Variants in FRMPD4 observed in about 807,000 individuals in gnomAD.
FRMPD4 encodes the protein FERM and PDZ domain containing 4.
In FRMPD4, 22 loss-of-function variants were observed where a neutral mutation model predicts 94.1. The observed-to-expected ratio is 0.23, with a 90% confidence interval of 0.17 to 0.33. The LOEUF (loss-of-function observed/expected upper bound fraction) is 0.33. Among genes scored for constraint, FRMPD4 ranks in the 10% least tolerant of loss-of-function variants. The pLI, the probability that FRMPD4 is intolerant of heterozygous loss-of-function variation, is 1.00. For missense variants in FRMPD4, 1,111 were observed against 1,339.9 expected, an observed-to-expected ratio of 0.83 and a Z score of 2.67; for synonymous variants, 631 against 548.6, an observed-to-expected ratio of 1.15 and a Z score of -2.10.
chrX:12,165,077 G>T (rs751138654), intron 1 of FRMPD4, among the ~76,000 whole-genome samples: 49 of 105,217 alleles, frequency 4.7e-4, no homozygotes, highest in African/African-American at 1.2e-3. Flanking sequence ...GTCAATTTTG[G>T]CTTTTGTTGC....
chrX:12,001,896 C>T (rs2054526763), intron 3 of FRMPD4, among the ~76,000 whole-genome samples: 1 of 111,859 alleles, frequency 8.9e-6, no homozygotes, highest in Non-Finnish European at 1.9e-5. Context: ...CAGGCTGGAA[C>T]CAGTGGGCTT....
chrX:12,070,359 T>A (rs1371755157), intron 3 of FRMPD4, among the ~76,000 whole-genome samples: 3 of 111,779 alleles, frequency 2.7e-5, no homozygotes, highest in African/African-American at 9.8e-5. Flanking sequence ...TCCAAAAATT[T>A]AAAAAAATAG....
At chrX:12,106,543 C>T (rs1033996951) in intron 3 of FRMPD4, among the ~76,000 whole-genome samples, 148 of 111,153 alleles carry the variant, frequency 1.3e-3, no homozygotes, top group African/African-American at 4.4e-3. Context: ...TGGGGCTTGT[C>T]GGACAGTAGG....
chrX:12,572,909 T>C (rs746431752), intron 2 of FRMPD4, among the ~76,000 whole-genome samples: 1 of 111,713 alleles, frequency 9.0e-6, no homozygotes, highest in East Asian at 2.8e-4. Flanking sequence ...GAATGAAGCT[T>C]GTCTTGCTGT....
At chrX:12,065,216 A>AAACAGAATACC (rs1364124948) in intron 3 of FRMPD4, among the ~76,000 whole-genome samples, 3 of 112,126 alleles carry the variant, frequency 2.7e-5, no homozygotes, top group African/African-American at 9.7e-5. Context: ...AGATTTCTGT[A>AAACAGAATACC]TGAGCTCCAG....
At chrX:12,505,735 A>AC (rs1304365104) in intron 2 of FRMPD4, among the ~76,000 whole-genome samples, 3 of 104,262 alleles carry the variant, frequency 2.9e-5, no homozygotes, top group Admixed American at 1.0e-4. Context: ...CCGAAAAAAA[A>AC]AAAAAAAAAA....
intron 3 of FRMPD4, among the ~76,000 whole-genome samples, chrX:11,922,599 T>C (rs2054063844): frequency 9.0e-6 from 1 of 111,705 alleles, no homozygotes; most frequent in African/African-American, 3.3e-5. Flanking sequence ...GAATTGGTGA[T>C]TTAAACTGGC....
At chrX:12,462,110 C>G (rs1207557396) in intron 1 of FRMPD4, among the ~76,000 whole-genome samples, 1 of 112,000 alleles carries the variant, frequency 8.9e-6, no homozygotes, top group Non-Finnish European at 1.9e-5. Context: ...TATTCTGTCA[C>G]TTGCACTCAT....
chrX:12,587,409 C>G (rs752175128), intron 2 of FRMPD4, among the ~76,000 whole-genome samples: 2 of 111,690 alleles, frequency 1.8e-5, no homozygotes, highest in African/African-American at 6.5e-5. Flanking sequence ...CAAAATGAAA[C>G]TTTATAATCA....
rs556723181 is a variant in FRMPD4, at chrX:12,678,936, A to G, written c.468+4028A>G. On this transcript the variant is annotated intron_variant, in intron 5 of 16. Coordinates refer to ENST00000675598, the MANE Select transcript of FRMPD4 (RefSeq NM_001368397.1). ...TGTCCCATGAGCTAGCATAATTCAC[A>G]TTCCTTTAGGTTTCTTCTAGTCCAA... 4.4e-5 allele frequency among the ~76,000 whole-genome samples: 5 copies of G among 112,589 alleles called. No individual in the cohort carries two copies. The South Asian group carries it at 1.8e-3, about 41-fold the overall frequency.
chrX:12,497,924 C>T (rs2057869972), intron 1 of FRMPD4, among the ~76,000 whole-genome samples: 1 of 110,906 alleles, frequency 9.0e-6, no homozygotes, highest in Admixed American at 9.5e-5. Context: ...GCACCTAGTG[C>T]GAGAGTGCCC....
intron 7 of FRMPD4, among the ~76,000 whole-genome samples, chrX:12,688,225 T>C (rs1371845863): frequency 8.9e-6 from 1 of 112,062 alleles, no homozygotes; most frequent in African/African-American, 3.2e-5. Context: ...TGGCCTTGTT[T>C]TGTGTTGCCA....
At chrX:11,838,263 T>A (rs1487293577) in intron 1 of FRMPD4, among the ~76,000 whole-genome samples, 2 of 111,154 alleles carry the variant, frequency 1.8e-5, no homozygotes, top group Non-Finnish European at 3.8e-5. Flanking sequence ...ACAAAAAAAC[T>A]GTAATATAAA....
chrX:12,102,925 C>T (rs756903777), intron 3 of FRMPD4, among the ~76,000 whole-genome samples: 1 of 111,146 alleles, frequency 9.0e-6, no homozygotes, highest in Non-Finnish European at 1.9e-5. Context: ...TAACAGAAGG[C>T]AATAATTTGA....
intron 3 of FRMPD4, among the ~76,000 whole-genome samples, chrX:12,131,090 G>T (rs1439087004): frequency 9.0e-6 from 1 of 111,497 alleles, no homozygotes; most frequent in Non-Finnish European, 1.9e-5. Context: ...GCAGACTTTT[G>T]GTATGTGCCT....
chrX:11,876,154 T>A (rs1454870187), intron 2 of FRMPD4, among the ~76,000 whole-genome samples: 1 of 110,148 alleles, frequency 9.1e-6, no homozygotes, highest in Non-Finnish European at 1.9e-5. Flanking sequence ...TCTTGTCTTC[T>A]TTTTTATCAC....
intron 3 of FRMPD4, among the ~76,000 whole-genome samples, chrX:12,133,463 T>TC (rs1003226967): frequency 1.6e-4 from 18 of 110,231 alleles, no homozygotes; most frequent in African/African-American, 6.0e-4. Context: ...CTCACTCTGT[T>TC]CCCCAGGCTG....
At chrX:11,876,569 G>C (rs1034964953) in intron 2 of FRMPD4, among the ~76,000 whole-genome samples, 1 of 112,111 alleles carries the variant, frequency 8.9e-6, no homozygotes, top group South Asian at 3.7e-4. Context: ...TAACTGAGGA[G>C]AAGTGAGCAT....
intron 4 of FRMPD4, among the ~76,000 whole-genome samples, chrX:12,666,639 A>C (rs187765714): frequency 1.8e-5 from 2 of 112,086 alleles, no homozygotes; most frequent in East Asian, 5.6e-4. Flanking sequence ...TCAAAACCAC[A>C]CAACTACATG....
Sources: gnomAD v4.1 joint callset for allele counts (sites outside exome capture counted in the v4.1 genomes callset) on GRCh38, gnomAD v4.1.1 for gene constraint, MANE v1.5 for transcripts, NCBI Gene and HGNC (gene_info 2026-07-23, HGNC 2026-07-21) for gene names.